Variants in CDON observed in about 807,000 individuals in gnomAD.
The protein encoded by CDON is cell adhesion molecule-related/down-regulated by oncogenes.
CDON carries 73 observed loss-of-function variants against 120.9 expected under a neutral mutation model. The observed-to-expected ratio is 0.60, with a 90% confidence interval of 0.50 to 0.73. CDON has a LOEUF of 0.73. Ranked by LOEUF, CDON falls within the 30% of genes least tolerant of loss-of-function variation. The probability of loss-of-function intolerance (pLI) is 0.00; values close to 1 mark genes in which losing one functional copy is unlikely to be tolerated. For missense variants in CDON, 1,470 were observed against 1,587.3 expected (o/e 0.93, Z 1.26); for synonymous variants, 566 against 573.5 (o/e 0.99, Z 0.19).
intron 1 of CDON, among the ~76,000 whole-genome samples, chr11:126,033,854 G>A (rs1490774805): frequency 1.1e-4 from 16 of 152,150 alleles, no homozygotes; most frequent in Admixed American, 1.0e-3. Context: ...TGGGGCGTAT[G>A]GGGGTTCTTT....
chr11:126,025,794 T>A (rs1009952954), intron 1 of CDON, among the ~76,000 whole-genome samples: 12 of 152,168 alleles, frequency 7.9e-5, no homozygotes, highest in African/African-American at 2.9e-4. Flanking sequence ...ATTAAAAATG[T>A]ATATATAAAA....
intron 1 of CDON, among the ~76,000 whole-genome samples, chr11:126,035,697 G>A (rs1259840284): frequency 1.3e-5 from 2 of 152,102 alleles, no homozygotes; most frequent in African/African-American, 4.8e-5. Flanking sequence ...CCTATGTCAG[G>A]AAAACCTGCA....
At chr11:126,055,633 T>C (rs1948663185) in intron 1 of CDON, among the ~76,000 whole-genome samples, 1 of 152,210 alleles carries the variant, frequency 6.6e-6, no homozygotes, top group African/African-American at 2.4e-5. Context: ...AACTCAAGTT[T>C]AGAAAAGTTG....
At chr11:126,049,555 A>G (rs979094646) in intron 1 of CDON, among the ~76,000 whole-genome samples, 4 of 152,174 alleles carry the variant, frequency 2.6e-5, no homozygotes, top group African/African-American at 9.7e-5. Context: ...TCATTTTTAA[A>G]CTATCCCATT....
chr11:125,965,859 T>A (rs1266664853), intron 18 of CDON, among the ~76,000 whole-genome samples: 2 of 152,068 alleles, frequency 1.3e-5, no homozygotes, highest in East Asian at 3.9e-4. Flanking sequence ...AAAAGCCTGG[T>A]TACTGTGGCT....
chr11:125,971,084 A>G (rs1221187676), intron 18 of CDON, among the ~76,000 whole-genome samples: 1 of 152,168 alleles, frequency 6.6e-6, no homozygotes, highest in African/African-American at 2.4e-5. Context: ...TAGGCCTGAA[A>G]GAACTGCTAT....
chr11:126,036,585 C>A (rs1241907954), intron 1 of CDON, among the ~76,000 whole-genome samples: 3 of 152,224 alleles, frequency 2.0e-5, no homozygotes, highest in Non-Finnish European at 4.4e-5. Context: ...TGTATATACC[C>A]TTGTAGGCCT....
Position 126,034,865 on chromosome 11 carries a change from C to A in CDON, c.-61-11328G>T, listed in dbSNP as rs1386434248. Among the ~76,000 whole-genome samples, 1 of 152,190 alleles carries A rather than the reference C, an allele frequency of 6.6e-6. No individual in the cohort carries two copies. The highest frequency in any genetic ancestry group is 1.5e-5 in the Non-Finnish European group (1 of 68,042). ...GAATTGGCTTTATGGGAAAAAATAA[C>A]CGTTATGGTAACCACAAAACAAATG... On this transcript the variant is annotated intron_variant, in intron 1 of 19. Transcript: ENST00000531738. The surrounding 1 kb of genome is among the most constrained non-coding windows in gnomAD (Gnocchi z 4.5).
At position 125,978,343 on chromosome 11, in the gene CDON, A is replaced by G; in HGVS notation, c.3317T>C (p.Leu1106Pro). 6.2e-7 allele frequency: 1 copy of G among 1,610,142 alleles called. No individual in the cohort carries two copies. Among genetic ancestry groups the G allele is most frequent in the Non-Finnish European group, 8.5e-7 (1 of 1,177,628 alleles). The change falls in exon 18 of 20, where the codon CTG (leucine) becomes CCG (proline). Residue 1106 changes from leucine to proline, a missense_variant. Transcript: ENST00000531738. ...ACAATTTCGGCAGTTAACACACTCC[A>G]GAGGGTCAATCTGAGGCACGGCCGT... is the stretch of plus-strand genomic sequence containing the variant. ...MYTAVPQIDP[L>P]ECVNCRNCRN...
At chr11:126,024,718 T>A (rs775525858) in intron 1 of CDON, among the ~76,000 whole-genome samples, 2 of 152,092 alleles carry the variant, frequency 1.3e-5, no homozygotes, top group African/African-American at 2.4e-5. Context: ...GAAATGTAGA[T>A]CTTAAACGTA....
chr11:126,010,256 A>G, intron 8 of CDON, 85 bp downstream of exon 8: 1 of 980,944 alleles, frequency 1.0e-6, no homozygotes, highest in Admixed American at 2.1e-5. Flanking sequence ...TGCTGGATTC[A>G]TTAAAATAAC....
chr11:126,025,559 T>C (rs545438112), intron 1 of CDON, among the ~76,000 whole-genome samples: 4 of 152,204 alleles, frequency 2.6e-5, no homozygotes, highest in East Asian at 1.9e-4. Flanking sequence ...TATTTTACTA[T>C]AGAGACAGTA....
At chr11:125,994,785 G>A in intron 13 of CDON, 86 bp downstream of exon 13, 1 of 1,214,716 alleles carries the variant, frequency 8.2e-7, no homozygotes, top group Non-Finnish European at 1.2e-6. Flanking sequence ...AAAATTTGCT[G>A]TTTACTGTAT....
intron 19 of CDON, 193 bp downstream of exon 19, chr11:125,961,531 A>G: frequency 1.5e-6 from 1 of 669,424 alleles, no homozygotes; most frequent in South Asian, 2.0e-5. Flanking sequence ...GGACATGAGT[A>G]ATAACAGAAT....
rs111982212 is a variant in CDON, at chr11:126,010,749, T to C, written c.1199-55A>G. The C allele has an allele frequency of 1.6e-4, 228 of 1,414,076 alleles. 3 individuals carry two copies. In the East Asian group the frequency reaches 1.7e-3, roughly 11 times the overall value. The allele number at this position is 1,414,076 out of a possible 1,614,324, so 87.6% of individuals were successfully genotyped here. A position where few individuals can be genotyped will look rare whatever the true frequency, so the allele number is the denominator to read the frequency against. ...ATGAAGAACATTGTAGTACCTACGA[T>C]GCAAAACAACTTCATCCTATCACGT... On this transcript the variant is annotated intron_variant, in intron 7 of 19. Transcript: ENST00000531738.
Position 126,005,911 on chromosome 11 carries a change from G to A in CDON, c.1699C>T (p.Pro567Ser), listed in dbSNP as rs748787756. The A allele has an allele frequency of 1.9e-6, 3 of 1,614,166 alleles. No individual in the cohort carries two copies. The Admixed American group carries it at 5.0e-5, about 27-fold the overall frequency. ...GAGATGCCGCTGGCGTTTTTCTCTGGTGCTGATTCCACTGCACTGGGATGG... is the reference window on the plus strand; with the variant it reads ...GAGATGCCGCTGGCGTTTTTCTCTGATGCTGATTCCACTGCACTGGGATGG... ...KVHPSAVESA[P>S]EKNASGISVP... Residue 567 changes from proline (P) to serine (S), a missense_variant, in exon 9 of 20, where the codon CCA becomes TCA. Coordinates refer to ENST00000531738, the MANE Select transcript of CDON (RefSeq NM_001378964.1).
chr11:126,030,930 T>C (rs1193674388), intron 1 of CDON, among the ~76,000 whole-genome samples: 1 of 152,230 alleles, frequency 6.6e-6, no homozygotes, highest in Non-Finnish European at 1.5e-5. Flanking sequence ...TTCAAGTAAG[T>C]ATTCATTCAA....
At chr11:126,001,980 T>A (rs1362801041) in intron 10 of CDON, 130 bp from the exon 11 acceptor site, 1 of 717,892 alleles carries the variant, frequency 1.4e-6, no homozygotes, top group Non-Finnish European at 2.5e-6. Flanking sequence ...AGCATCTAAA[T>A]GTAAGACCTA....
chr11:126,025,298 T>C (rs1947763396), intron 1 of CDON, among the ~76,000 whole-genome samples: 1 of 151,268 alleles, frequency 6.6e-6, no homozygotes. Context: ...AGAAGCAGAG[T>C]AAGATGAGAC....
Sources: allele counts gnomAD v4.1 joint callset (sites outside exome capture counted in the v4.1 genomes callset), GRCh38; gene constraint gnomAD v4.1.1; non-coding constraint Gnocchi (gnomAD v3.1); transcripts MANE v1.5; gene names NCBI Gene and HGNC (gene_info 2026-07-23, HGNC 2026-07-21).